The following ZNF274 variants were observed in gnomAD, a reference collection of about 807,000 sequenced individuals.
The protein encoded by ZNF274 is zinc finger protein 274.
A neutral mutation model predicts 42.5 loss-of-function variants in ZNF274; 23 were observed. The ratio of observed to expected loss-of-function variants is 0.54; its 90% confidence interval spans 0.39 to 0.77. ZNF274 has a LOEUF of 0.77. Ranked by LOEUF, ZNF274 falls within the 30% of genes least tolerant of loss-of-function variation. The pLI is 0.00. For synonymous variants in ZNF274, 292 were observed against 305.4 expected, an observed-to-expected ratio of 0.96 and a Z score of 0.46; for missense variants, 679 against 806.5, an observed-to-expected ratio of 0.84 and a Z score of 1.91.
At chr19:58,203,643 A>G (rs1052679424) in intron 4 of ZNF274, among the ~76,000 whole-genome samples, 2 of 152,198 alleles carry the variant, frequency 1.3e-5, no homozygotes, top group South Asian at 4.1e-4. Context: ...TATGCTTTCA[A>G]ATTAAGAAAA....
intron 4 of ZNF274, 132 bp downstream of exon 4, chr19:58,187,174 C>T: frequency 1.4e-6 from 1 of 734,636 alleles, no homozygotes; most frequent in Non-Finnish European, 2.2e-6. Flanking sequence ...CAGAACCAAA[C>T]TCGAAGTTTT....
intron 6 of ZNF274, 22 bp downstream of exon 6, chr19:58,210,095 G>C: frequency 6.2e-7 from 1 of 1,606,128 alleles, no homozygotes; most frequent in South Asian, 1.1e-5. Flanking sequence ...GTATCACCCT[G>C]TTTTGGTCAC....
rs989207780 is a variant in ZNF274 at position 58,183,148 on chromosome 19, G to A, written c.-340G>A. 1.3e-4 allele frequency: 20 copies of A among 152,436 alleles called. No homozygotes were observed. Among genetic ancestry groups the A allele is most frequent in the African/African-American group, 4.8e-4 (20 of 41,452 alleles). The allele number at this position is 152,436 out of a possible 1,614,324, so 9.4% of individuals were successfully genotyped here. A position where few individuals can be genotyped will look rare whatever the true frequency, so the allele number is the denominator to read the frequency against. On this transcript the variant is annotated 5_prime_UTR_variant, in exon 1 of 8. Coordinates refer to ENST00000617501, the MANE Select transcript of ZNF274 (RefSeq NM_133502.3). ...CCCAAGAGTGGTCGCCTTCGTGGCA[G>A]GGCACGACTCTCTCCCAGCTCGGGT...
Position 58,213,347 on chromosome 19 carries a change from AAAAAG to A in ZNF274, c.*206_*210del. 1.9e-6 allele frequency: 1 copy of A among 539,436 alleles called. No homozygotes were observed. Among genetic ancestry groups the A allele is most frequent in the Non-Finnish European group, 3.0e-6 (1 of 332,520 alleles). The allele number at this position is 539,436 out of a possible 1,614,324, so 33.4% of individuals were successfully genotyped here. Reference sequence around the variant, plus strand: ...TGAGGAGTTATTAACATCATTTGGAAAAAAGATTTCCCATTCACTTGATATTGTTT... The same window carrying A: ...TGAGGAGTTATTAACATCATTTGGAAATTTCCCATTCACTTGATATTGTTT... On this transcript the variant is annotated 3_prime_UTR_variant, in exon 8 of 8. Transcript: ENST00000617501.
At chr19:58,196,935 A>T (rs2075850182) in intron 4 of ZNF274, among the ~76,000 whole-genome samples, 1 of 152,232 alleles carries the variant, frequency 6.6e-6, no homozygotes, top group South Asian at 2.1e-4. Flanking sequence ...CACAGGGAAG[A>T]AACCTCAGAA....
chr19:58,187,627 AGGCT>A (rs1228205089), intron 4 of ZNF274, among the ~76,000 whole-genome samples: 1 of 152,170 alleles, frequency 6.6e-6, no homozygotes, highest in Non-Finnish European at 1.5e-5. Flanking sequence ...CATGTTGCCC[AGGCT>A]GGTCTTGAAC....
chr19:58,201,337 G>C (rs893422232), intron 4 of ZNF274, among the ~76,000 whole-genome samples: 6 of 151,016 alleles, frequency 4.0e-5, no homozygotes, highest in African/African-American at 1.5e-4. Flanking sequence ...ACCAGATCTC[G>C]TGTGATTAAC....
At chr19:58,187,064 C>G in intron 4 of ZNF274, 22 bp downstream of exon 4, 1 of 1,594,880 alleles carries the variant, frequency 6.3e-7, no homozygotes, top group Non-Finnish European at 8.6e-7. Context: ...ACATGGGAAG[C>G]CCCCACAGGG....
chr19:58,197,802 C>CA (rs1358286102), intron 4 of ZNF274, among the ~76,000 whole-genome samples: 1 of 152,168 alleles, frequency 6.6e-6, no homozygotes, highest in Non-Finnish European at 1.5e-5. Context: ...GGGTGGCTGT[C>CA]AAACATGTTT....
chr19:58,193,750 C>T (rs771363890), intron 4 of ZNF274, among the ~76,000 whole-genome samples: 1 of 151,886 alleles, frequency 6.6e-6, no homozygotes, highest in African/African-American at 2.4e-5. Flanking sequence ...CACAGCAAAA[C>T]GTCATCTCTA....
chr19:58,204,086 A>G (rs967763937), intron 4 of ZNF274, among the ~76,000 whole-genome samples: 6 of 152,176 alleles, frequency 3.9e-5, no homozygotes, highest in African/African-American at 1.4e-4. Flanking sequence ...GTACTCGAGG[A>G]ACGGGAGAGG....
chr19:58,213,368 G>A lies in ZNF274; in HGVS notation c.*225G>A. The A allele has an allele frequency of 2.0e-6, 1 of 491,302 alleles. No individual in the cohort carries two copies. The allele number at this position is 491,302 out of a possible 1,614,324, so 30.4% of individuals were successfully genotyped here. On this transcript the variant is annotated 3_prime_UTR_variant, in exon 8 of 8. Coordinates refer to ENST00000617501, the MANE Select transcript of ZNF274 (RefSeq NM_133502.3). Reference sequence around the variant, plus strand: ...TGGAAAAAAGATTTCCCATTCACTTGATATTGTTTGTTCACTCATTTAGTC... The same window carrying A: ...TGGAAAAAAGATTTCCCATTCACTTAATATTGTTTGTTCACTCATTTAGTC...
intron 2 of ZNF274, 164 bp downstream of exon 2, chr19:58,184,162 G>A (rs1286424203): frequency 1.2e-5 from 9 of 740,678 alleles, no homozygotes; most frequent in Non-Finnish European, 2.0e-5. Flanking sequence ...TGGTGGAACC[G>A]CAGGTTGCTT....
rs750645369 is a variant in ZNF274 at position 58,211,601 on chromosome 19, G to C, written c.894G>C (p.Arg298=). The C allele has an allele frequency of 6.2e-7, 1 of 1,613,804 alleles. No individual in the cohort carries two copies. The highest frequency in any genetic ancestry group is 8.5e-7 in the Non-Finnish European group (1 of 1,179,796). The change falls in exon 7 of 8, where the codon CGG becomes CGC. Residue 298 remains arginine, a synonymous_variant. Transcript: ENST00000617501. The surrounding 1 kb of genome is among the most constrained non-coding windows in gnomAD (Gnocchi z 4.8). The stretch of plus-strand genomic sequence containing the variant: ...AGGATGTGGCTGTGGACTTCAGCCG[G>C]GAGGAGTGGGGGCTGCTGGGCCCGA... ...TFQDVAVDFS[R]EEWGLLGPTQ...
intron 4 of ZNF274, among the ~76,000 whole-genome samples, chr19:58,194,873 C>T (rs1272245231): frequency 1.3e-5 from 2 of 151,826 alleles, no homozygotes; most frequent in East Asian, 1.9e-4. Context: ...CGGTGGCGGG[C>T]GCCAGTAGTC....
chr19:58,212,044 T>C lies in ZNF274; in HGVS notation c.980-117T>C. 1 of 1,281,410 alleles carries C rather than the reference T, an allele frequency of 7.8e-7. No homozygotes were observed. Among genetic ancestry groups the C allele is most frequent in the Non-Finnish European group, 1.1e-6 (1 of 940,432 alleles). The allele number at this position is 1,281,410 out of a possible 1,614,324, so 79.4% of individuals were successfully genotyped here. A position where few individuals can be genotyped will look rare whatever the true frequency, so the allele number is the denominator to read the frequency against. On this transcript the variant is annotated intron_variant, in intron 7 of 7. Coordinates refer to ENST00000617501, the MANE Select transcript of ZNF274 (RefSeq NM_133502.3). This position sits in a 1 kb window ranked among gnomAD's most constrained non-coding sequence, Gnocchi z 4.6. ...TCAGTCTCTCTCCAGGTTGCATGACTCTATTTGGGAGAAAAAAAAAATCCT... is the reference window on the plus strand; with the variant it reads ...TCAGTCTCTCTCCAGGTTGCATGACCCTATTTGGGAGAAAAAAAAAATCCT...
At position 58,208,993 on chromosome 19, in the gene ZNF274, G is replaced by A. The variant is rs149942627; in HGVS notation, c.740-968G>A. On this transcript the variant is annotated intron_variant, in intron 5 of 7. Transcript: ENST00000617501. The surrounding 1 kb of genome is among the most constrained non-coding windows in gnomAD (Gnocchi z 4.5). ...GATCAGTGTGTTAGTTGGGACGCTT[G>A]AGTGTGACTGCTGCAAAGCCTTGCA... 3.2e-4 allele frequency: 48 copies of A among 152,344 alleles called. No individual in the cohort carries two copies. Among genetic ancestry groups the A allele is most frequent in the African/African-American group, 8.9e-4 (37 of 41,562 alleles). 9.4% of individuals were successfully genotyped at this position (152,344 alleles called of 1,614,324 possible).
chr19:58,190,098 A>G (rs972248829), intron 4 of ZNF274, among the ~76,000 whole-genome samples: 4 of 149,440 alleles, frequency 2.7e-5, no homozygotes, highest in Non-Finnish European at 4.4e-5. Flanking sequence ...ACTCCAGCCT[A>G]GGCGACAGAG....
At chr19:58,196,057 A>G (rs1384651222) in intron 4 of ZNF274, among the ~76,000 whole-genome samples, 1 of 152,226 alleles carries the variant, frequency 6.6e-6, no homozygotes, top group Non-Finnish European at 1.5e-5. Context: ...GACAGTAAGC[A>G]ATGTAGGGAA....
Sources: allele counts gnomAD v4.1 joint callset (sites outside exome capture counted in the v4.1 genomes callset), GRCh38; gene constraint gnomAD v4.1.1; non-coding constraint Gnocchi (gnomAD v3.1); transcripts MANE v1.5; gene names NCBI Gene and HGNC (gene_info 2026-07-23, HGNC 2026-07-21).